Variants in RC3H1 observed in about 807,000 individuals in gnomAD.
RC3H1 encodes roquin-1.
Under a neutral mutation model 138.2 loss-of-function variants are expected in RC3H1, and 50 were observed. That is an observed-to-expected ratio of 0.36 (90% CI 0.29 to 0.46). RC3H1 has a LOEUF of 0.46. Ranked by LOEUF, RC3H1 falls within the 20% of genes least tolerant of loss-of-function variation. The pLI, the probability that RC3H1 is intolerant of heterozygous loss-of-function variation, is 1.00. For synonymous variants in RC3H1, 462 were observed against 489.1 expected (o/e 0.94, Z 0.73); for missense variants, 1,031 against 1,388.1 (o/e 0.74, Z 4.09).
chr1:173,955,099 G>A (rs528021397), intron 13 of RC3H1, among the ~76,000 whole-genome samples: 161 of 150,468 alleles, frequency 1.1e-3, no homozygotes, highest in African/African-American at 3.7e-3. Context: ...GGTGGCGGGC[G>A]CCTGTAATCC....
At chr1:173,990,583 T>A (rs1430065093) in intron 2 of RC3H1, among the ~76,000 whole-genome samples, 1 of 151,150 alleles carries the variant, frequency 6.6e-6, no homozygotes, top group Non-Finnish European at 1.5e-5. Flanking sequence ...TATTTATTTT[T>A]TTTTTTTGAG....
chr1:174,000,846 T>C (rs1661552871), intron 1 of RC3H1, among the ~76,000 whole-genome samples: 2 of 152,200 alleles, frequency 1.3e-5, no homozygotes, highest in Non-Finnish European at 2.9e-5. Flanking sequence ...GAGCATCAAC[T>C]AATTTACAGT....
chr1:173,950,679 T>C (rs1421002608), intron 14 of RC3H1, among the ~76,000 whole-genome samples: 3 of 152,148 alleles, frequency 2.0e-5, no homozygotes, highest in African/African-American at 7.2e-5. Context: ...ACTTGGGGGA[T>C]TTATACAGGG....
intron 1 of RC3H1, among the ~76,000 whole-genome samples, chr1:174,004,252 T>C (rs1413374484): frequency 1.3e-5 from 2 of 151,716 alleles, no homozygotes; most frequent in African/African-American, 4.8e-5. Context: ...GCCAGGACTA[T>C]AGGTGTGCAC....
intron 13 of RC3H1, among the ~76,000 whole-genome samples, chr1:173,955,225 C>CA (rs560354496): frequency 0.099 from 6,047 of 60,792 alleles, 514 homozygotes; most frequent in Non-Finnish European, 0.11. Context: ...AACTCTGTCA[C>CA]AAAAAAAAAA....
At chr1:173,960,871 C>CA (rs145189635) in intron 13 of RC3H1, among the ~76,000 whole-genome samples, 4 of 149,168 alleles carry the variant, frequency 2.7e-5, no homozygotes, top group Non-Finnish European at 4.5e-5. Context: ...CTTACAGGAA[C>CA]AAAAAAAAAG....
chr1:173,999,979 A>G (rs926143784), intron 1 of RC3H1, among the ~76,000 whole-genome samples: 1 of 152,208 alleles, frequency 6.6e-6, no homozygotes, highest in Non-Finnish European at 1.5e-5. Context: ...GTGCCACCAC[A>G]CGAATAAAAG....
At chr1:174,008,200 G>A (rs1661686517) in intron 1 of RC3H1, among the ~76,000 whole-genome samples, 1 of 152,054 alleles carries the variant, frequency 6.6e-6, no homozygotes, top group African/African-American at 2.4e-5. Flanking sequence ...AATTTTATTT[G>A]CATTAAAAAC....
chr1:173,939,871 A>C (rs1479928729), intron 19 of RC3H1, among the ~76,000 whole-genome samples: 1 of 152,102 alleles, frequency 6.6e-6, no homozygotes, highest in East Asian at 1.9e-4. Context: ...ATAGTGCATG[A>C]ATTAAAAAAA....
intron 11 of RC3H1, among the ~76,000 whole-genome samples, chr1:173,962,605 G>A (rs1486695291): frequency 6.6e-6 from 1 of 152,142 alleles, no homozygotes; most frequent in Non-Finnish European, 1.5e-5. Context: ...CAAATGACGT[G>A]ATCTTGGAAT....
At chr1:173,972,215 C>T (rs1273671529) in intron 8 of RC3H1, among the ~76,000 whole-genome samples, 1 of 152,128 alleles carries the variant, frequency 6.6e-6, no homozygotes, top group Non-Finnish European at 1.5e-5. Flanking sequence ...TAAACTTCAG[C>T]ACTGAATCCA....
Position 173,984,586 on chromosome 1 carries a change from C to T in RC3H1, c.265G>A (p.Gly89Arg), listed in dbSNP as rs1384443298. Reference protein sequence around the residue: ...PEQQPITLCSGVEDTKHYEEA... With the variant: ...PEQQPITLCSRVEDTKHYEEA... ...TCATAATGCTTTGTGTCTTCAACCC[C>T]ACTACACAAAGTAATAGGCTGCTGC... Residue 89 changes from glycine to arginine, a missense_variant, in exon 3 of 20, where the codon GGG becomes AGG. By Grantham distance (125) the Gly-to-Arg change is moderately radical. Coordinates refer to ENST00000367696, the MANE Select transcript of RC3H1 (RefSeq NM_172071.4). 2 of 1,613,838 alleles carry T rather than the reference C, an allele frequency of 1.2e-6. No individual in the cohort carries two copies. Among genetic ancestry groups the T allele is most frequent in the Admixed American group, 1.7e-5 (1 of 59,978 alleles).
intron 1 of RC3H1, among the ~76,000 whole-genome samples, chr1:174,014,784 T>C (rs753582486): frequency 8.5e-5 from 13 of 152,220 alleles, no homozygotes; most frequent in African/African-American, 2.9e-4. Context: ...GCTTAAGTCA[T>C]AGAAGATGAG....
chr1:174,018,983 A>T (rs1399945130), intron 1 of RC3H1, among the ~76,000 whole-genome samples: 2 of 152,232 alleles, frequency 1.3e-5, no homozygotes, highest in Non-Finnish European at 2.9e-5. Flanking sequence ...AAAGAAAAAA[A>T]ATTATAAATT....
chr1:173,948,411 AATAT>A (rs10599652), intron 14 of RC3H1, among the ~76,000 whole-genome samples: 9 of 149,778 alleles, frequency 6.0e-5, no homozygotes, highest in South Asian at 2.1e-4. Flanking sequence ...ATCTTGAAGA[AATAT>A]ATATATATAT....
chr1:173,994,811 A>AG (rs1426455224), intron 1 of RC3H1, among the ~76,000 whole-genome samples: 1 of 151,918 alleles, frequency 6.6e-6, no homozygotes, highest in South Asian at 2.1e-4. Context: ...AAAAAAAAAA[A>AG]AAAGAAAAAA....
At chr1:173,978,454 TATAAG>T (rs775113757) in intron 7 of RC3H1, 29 bp downstream of exon 7, 1 of 1,611,120 alleles carries the variant, frequency 6.2e-7, no homozygotes, top group Admixed American at 1.7e-5. Context: ...GAAAGGCACA[TATAAG>T]ATAGTCCATT....
At chr1:173,969,710 AAAAATAAAAT>A (rs1197700698) in intron 9 of RC3H1, among the ~76,000 whole-genome samples, 1 of 151,570 alleles carries the variant, frequency 6.6e-6, no homozygotes, top group African/African-American at 2.4e-5. Context: ...TCTATTTTTA[AAAAATAAAAT>A]AAAATAAAAT....
intron 1 of RC3H1, among the ~76,000 whole-genome samples, chr1:173,997,157 C>T (rs1160657761): frequency 1.3e-5 from 2 of 151,970 alleles, no homozygotes; most frequent in South Asian, 4.1e-4. Flanking sequence ...CCCAGGAGGT[C>T]GGAGCTGTAG....
Sources: allele counts gnomAD v4.1 joint callset (sites outside exome capture counted in the v4.1 genomes callset), GRCh38; gene constraint gnomAD v4.1.1; transcripts MANE v1.5; gene names NCBI Gene and HGNC (gene_info 2026-07-23, HGNC 2026-07-21).